The following PHKA1 variants were observed in gnomAD, a reference collection of about 807,000 sequenced individuals.
PHKA1 encodes phosphorylase b kinase regulatory subunit alpha, skeletal muscle isoform.
PHKA1 carries 60 observed loss-of-function variants against 110.2 expected under a neutral mutation model. That is an observed-to-expected ratio of 0.54 (90% confidence interval 0.44 to 0.68). The LOEUF (loss-of-function observed/expected upper bound fraction) is 0.68. Ranked by LOEUF, PHKA1 falls within the 30% of genes least tolerant of loss-of-function variation. The pLI is 0.00. For missense variants in PHKA1, 801 were observed against 942.5 expected (o/e 0.85, Z 1.97); for synonymous variants, 316 against 333.6 (o/e 0.95, Z 0.58).
At chrX:72,709,957 G>A (rs1261293870) in intron 2 of PHKA1, among the ~76,000 whole-genome samples, 2 of 104,151 alleles carry the variant, frequency 1.9e-5, no homozygotes, top group Non-Finnish European at 3.9e-5. Flanking sequence ...CAGGAGAATC[G>A]CTTGAACCTG....
intron 1 of PHKA1, 111 bp from the exon 2 acceptor site, chrX:72,713,048 A>G (rs1569455282): frequency 5.2e-6 from 4 of 776,314 alleles, no homozygotes; most frequent in African/African-American, 2.1e-5. Flanking sequence ...CTACTTCTCC[A>G]CTCTTGAGTT....
At chrX:72,704,329 G>C (rs782246145) in intron 3 of PHKA1, among the ~76,000 whole-genome samples, 90 of 111,573 alleles carry the variant, frequency 8.1e-4, no homozygotes, top group Admixed American at 1.5e-3. Flanking sequence ...TTCAAATTAA[G>C]TCTTTATTTA....
Position 72,657,626 on chromosome X carries a change from A to C in PHKA1, c.880T>G (p.Cys294Gly). 8.3e-7 allele frequency: 1 copy of C among 1,208,862 alleles called. No individual in the cohort carries two copies. Among genetic ancestry groups the C allele is most frequent in the Non-Finnish European group, 1.1e-6 (1 of 892,881 alleles). The change falls in exon 9 of 32, where the codon TGT (cysteine) becomes GGT (glycine). Residue 294 changes from cysteine (C) to glycine (G), a missense_variant. By Grantham distance (159) the Cys-to-Gly change is radical (BLOSUM62 -3). Around this residue, in one of 2 missense-constraint regions of PHKA1, gnomAD observed 299 missense variants for 423.3 expected, o/e 0.71. Coordinates refer to ENST00000373542, the MANE Select transcript of PHKA1 (RefSeq NM_002637.4). ...TTATATCCATCTCGTAGAAAGCGAC[A>C]GCAACCATAACGACCCTGGGAATAC... Reference protein sequence around the residue: ...ITKLQGRYGCCRFLRDGYKTP... With the variant: ...ITKLQGRYGCGRFLRDGYKTP...
At chrX:72,593,490 T>C (rs782087948) in intron 28 of PHKA1, 3 of 356,176 alleles carry the variant, frequency 8.4e-6, no homozygotes, top group Non-Finnish European at 1.5e-5. Flanking sequence ...TACAGGCGCC[T>C]GCCACCATGC....
Position 72,686,123 on chromosome X carries a change from T to G in PHKA1, c.455-1543A>C, listed in dbSNP as rs528921525. Among the ~76,000 whole-genome samples, 6 of 112,209 alleles carry G rather than the reference T, an allele frequency of 5.3e-5. No individual in the cohort carries two copies. The South Asian group carries it at 2.2e-3, about 42-fold the overall frequency. ...TGTCAAATGTTTCTTAATGTCAGCT[T>G]TCAAATGAACTCCACTGTGAATATC... On this transcript the variant is annotated intron_variant, in intron 4 of 31. Coordinates refer to ENST00000373542, the MANE Select transcript of PHKA1 (RefSeq NM_002637.4).
intron 2 of PHKA1, chrX:72,712,406 GA>G: frequency 4.9e-6 from 1 of 204,245 alleles, no homozygotes; most frequent in Non-Finnish European, 8.9e-6. Flanking sequence ...TTTTAAAAAT[GA>G]AATAAAATAG....
intron 6 of PHKA1, among the ~76,000 whole-genome samples, chrX:72,671,562 T>C (rs1556309168): frequency 8.9e-6 from 1 of 111,837 alleles, no homozygotes; most frequent in Non-Finnish European, 1.9e-5. Flanking sequence ...CCAATGACTT[T>C]CTTCACAGAA....
chrX:72,651,572 AG>A (rs1265708603), intron 12 of PHKA1, among the ~76,000 whole-genome samples: 1 of 111,717 alleles, frequency 9.0e-6, no homozygotes, highest in Non-Finnish European at 1.9e-5. Context: ...TTTTAAAAAA[AG>A]AAAAAAAAAG....
chrX:72,606,567 T>G (rs2052731791), intron 23 of PHKA1, among the ~76,000 whole-genome samples: 1 of 111,118 alleles, frequency 9.0e-6, no homozygotes, highest in Non-Finnish European at 1.9e-5. Flanking sequence ...TTTAAATTTT[T>G]TTTTAATTTT....
At chrX:72,673,493 T>C (rs1452342140) in intron 6 of PHKA1, among the ~76,000 whole-genome samples, 1 of 111,528 alleles carries the variant, frequency 9.0e-6, no homozygotes, top group Non-Finnish European at 1.9e-5. Flanking sequence ...AAATCAAATA[T>C]ACAAAAATAT....
Position 72,605,618 on chromosome X carries a change from G to A in PHKA1, c.2608C>T (p.Pro870Ser). 1 of 1,189,700 alleles carries A rather than the reference G, an allele frequency of 8.4e-7. No homozygotes were observed. The highest frequency in any genetic ancestry group is 1.1e-6 in the Non-Finnish European group (1 of 875,684). The change falls in exon 24 of 32, where the codon CCT (proline) becomes TCT (serine). Residue 870 changes from proline (P) to serine (S), a missense_variant and splice_region_variant. Pro to Ser is a moderately conservative substitution (Grantham distance 74, BLOSUM62 -1). Around this residue, in one of 2 missense-constraint regions of PHKA1, gnomAD observed 502 missense variants for 519.2 expected, o/e 0.97. Coordinates refer to ENST00000373542, the MANE Select transcript of PHKA1 (RefSeq NM_002637.4). ...PEPREKTISA[P>S]LPYEALTQLI... is the part of the protein sequence containing the mutation. Reference sequence around the variant, plus strand: ...TGAGTGAGCGCCTCATAGGGCAGAGGTCTAAGGAAAAAGACAGCAAAGAAA... The same window carrying A: ...TGAGTGAGCGCCTCATAGGGCAGAGATCTAAGGAAAAAGACAGCAAAGAAA...
chrX:72,638,695 G>A (rs1306840868), intron 14 of PHKA1, among the ~76,000 whole-genome samples: 1 of 111,326 alleles, frequency 9.0e-6, no homozygotes, highest in Admixed American at 9.5e-5. Flanking sequence ...TCTATTTATG[G>A]TTTTTCCTTA....
intron 4 of PHKA1, chrX:72,688,862 A>C (rs2053999326): frequency 8.9e-6 from 1 of 112,061 alleles, no homozygotes; most frequent in Non-Finnish European, 1.9e-5. Context: ...GATGTTTGAA[A>C]ATTTATTAAG....
At chrX:72,621,394 T>C (rs1242706592) in intron 18 of PHKA1, among the ~76,000 whole-genome samples, 1 of 111,656 alleles carries the variant, frequency 9.0e-6, no homozygotes, top group African/African-American at 3.3e-5. Flanking sequence ...GTGTACTAGG[T>C]GCTGACATTT....
At chrX:72,696,730 C>T (rs959605064) in intron 3 of PHKA1, among the ~76,000 whole-genome samples, 6 of 111,676 alleles carry the variant, frequency 5.4e-5, no homozygotes, top group East Asian at 2.8e-4. Flanking sequence ...GTGTCATGGG[C>T]GCATCTTCAA....
intron 29 of PHKA1, among the ~76,000 whole-genome samples, chrX:72,588,282 A>T (rs1052639280): frequency 8.0e-5 from 9 of 112,365 alleles, no homozygotes; most frequent in African/African-American, 2.9e-4. Flanking sequence ...AACTAACTCA[A>T]TACTGCACAA....
At chrX:72,711,397 AT>A (rs1311213028) in intron 2 of PHKA1, among the ~76,000 whole-genome samples, 1 of 110,852 alleles carries the variant, frequency 9.0e-6, no homozygotes, top group African/African-American at 3.3e-5. Context: ...TTACAGGTGA[AT>A]TTTTTTAAAC....
At chrX:72,676,020 T>G (rs1314635272) in intron 6 of PHKA1, 50 bp downstream of exon 6, 1 of 918,967 alleles carries the variant, frequency 1.1e-6, no homozygotes, top group African/African-American at 2.0e-5. Flanking sequence ...GACAAAGGGA[T>G]ACCAGACTTC....
chrX:72,587,965 C>T (rs1313325227), intron 29 of PHKA1, among the ~76,000 whole-genome samples: 1 of 111,548 alleles, frequency 9.0e-6, no homozygotes, highest in Non-Finnish European at 1.9e-5. Context: ...GAGACTCAGA[C>T]TCCCACACAA....
Sources: gnomAD v4.1 joint callset for allele counts (sites outside exome capture counted in the v4.1 genomes callset) on GRCh38, gnomAD v4.1.1 for gene constraint, gnomAD v4.1.1 regional missense constraint, MANE v1.5 for transcripts, NCBI Gene and HGNC (gene_info 2026-07-23, HGNC 2026-07-21) for gene names.